The following CAMK4 variants were observed in gnomAD, a reference collection of about 807,000 sequenced individuals.
CAMK4 encodes calcium/calmodulin-dependent protein kinase type IV.
In CAMK4, 22 loss-of-function variants were observed where a neutral mutation model predicts 44.9. The ratio of observed to expected loss-of-function variants is 0.49; its 90% confidence interval spans 0.35 to 0.70. The LOEUF is 0.70. CAMK4 is among the 30% of genes least tolerant of loss of function. The probability of loss-of-function intolerance (pLI) is 0.01; values close to 1 mark genes in which losing one functional copy is unlikely to be tolerated. For missense variants in CAMK4, 498 were observed against 586.8 expected (o/e 0.85, Z 1.56); for synonymous variants, 218 against 215.4 (o/e 1.01, Z -0.11).
chr5:111,325,827 G>T (rs1445392376), intron 1 of CAMK4, among the ~76,000 whole-genome samples: 1 of 151,800 alleles, frequency 6.6e-6, no homozygotes, highest in East Asian at 1.9e-4. Context: ...TCTGTAGATT[G>T]CCTGTTCACT....
intron 1 of CAMK4, among the ~76,000 whole-genome samples, chr5:111,297,510 C>T (rs1461887495): frequency 6.6e-6 from 1 of 152,178 alleles, no homozygotes; most frequent in African/African-American, 2.4e-5. Context: ...TTCAACTATA[C>T]TGATTCTGTT....
At position 111,227,009 on chromosome 5, in the gene CAMK4, A is replaced by G. The variant is rs567714462; in HGVS notation, c.161+2365A>G. On this transcript the variant is annotated intron_variant, in intron 1 of 10. Coordinates refer to ENST00000282356, the MANE Select transcript of CAMK4 (RefSeq NM_001744.6). ...AGTTAAACTACATTGAGGAACAATAAAAGCTAAAATGTCTTACTTAGGCTC... is the reference window on the plus strand; with the variant it reads ...AGTTAAACTACATTGAGGAACAATAGAAGCTAAAATGTCTTACTTAGGCTC... Among the ~76,000 whole-genome samples the G allele has an allele frequency of 6.6e-5, 10 of 152,356 alleles. No homozygotes were observed. The East Asian group carries it at 1.9e-3, about 29-fold the overall frequency.
At chr5:111,240,952 A>G (rs1748963286) in intron 1 of CAMK4, among the ~76,000 whole-genome samples, 1 of 152,184 alleles carries the variant, frequency 6.6e-6, no homozygotes, top group Non-Finnish European at 1.5e-5. Context: ...TTTATTGTTA[A>G]TGAATCTTTT....
chr5:111,427,823 AG>A (rs1383725855), intron 5 of CAMK4, among the ~76,000 whole-genome samples: 1 of 152,240 alleles, frequency 6.6e-6, no homozygotes, highest in African/African-American at 2.4e-5. Context: ...ACTGCCCTGA[AG>A]GGAAGGTTAC....
At chr5:111,318,832 C>A (rs1028424845) in intron 1 of CAMK4, among the ~76,000 whole-genome samples, 46 of 152,186 alleles carry the variant, frequency 3.0e-4, no homozygotes, top group Admixed American at 4.6e-4. Context: ...AGATTAGAAA[C>A]CGTATAATTT....
rs574078911 is a variant in CAMK4, at chr5:111,483,988, G to A, written c.982-38G>A. 1.8e-5 allele frequency: 26 copies of A among 1,470,384 alleles called. No homozygotes were observed. The East Asian group carries it at 4.1e-4, about 23-fold the overall frequency. 91.1% of individuals were successfully genotyped at this position (1,470,384 alleles called of 1,614,324 possible). ...TTGAGCTCTGATGTGGGGTGTTAAA[G>A]CAGAGGTAACACTTGACACTCTTCT... On this transcript the variant is annotated intron_variant, in intron 10 of 10. Coordinates refer to ENST00000282356, the MANE Select transcript of CAMK4 (RefSeq NM_001744.6).
chr5:111,385,882 A>G (rs1751583134), intron 4 of CAMK4, among the ~76,000 whole-genome samples: 1 of 152,060 alleles, frequency 6.6e-6, no homozygotes, highest in African/African-American at 2.4e-5. Flanking sequence ...GCTGCAATAT[A>G]TATATCTTTT....
At chr5:111,310,508 G>C (rs1425853975) in intron 1 of CAMK4, among the ~76,000 whole-genome samples, 1 of 152,134 alleles carries the variant, frequency 6.6e-6, no homozygotes, top group East Asian at 1.9e-4. Flanking sequence ...GTAATTGAAA[G>C]GTTTTAAAAA....
At chr5:111,376,500 C>T (rs1751218583) in intron 3 of CAMK4, among the ~76,000 whole-genome samples, 4 of 152,112 alleles carry the variant, frequency 2.6e-5, no homozygotes, top group Admixed American at 1.3e-4. Context: ...CCTCTAGCCA[C>T]CTTGATGCCT....
At chr5:111,328,390 A>C (rs550726707) in intron 1 of CAMK4, among the ~76,000 whole-genome samples, 35 of 151,828 alleles carry the variant, frequency 2.3e-4, no homozygotes, top group Admixed American at 3.3e-4. Flanking sequence ...TGGTACCAGT[A>C]CCTTGCTGTT....
At chr5:111,267,751 A>AGGG (rs935591299) in intron 1 of CAMK4, among the ~76,000 whole-genome samples, 2 of 151,054 alleles carry the variant, frequency 1.3e-5, no homozygotes, top group Non-Finnish European at 3.0e-5. Context: ...TGAAGGACAC[A>AGGG]GGGGATGATA....
chr5:111,413,262 G>A (rs567023162), intron 5 of CAMK4, among the ~76,000 whole-genome samples: 37 of 152,236 alleles, frequency 2.4e-4, no homozygotes, highest in African/African-American at 8.7e-4. Flanking sequence ...TCATATAAAA[G>A]GTTTGGAGGC....
chr5:111,245,163 TC>T (rs1048865829), intron 1 of CAMK4, among the ~76,000 whole-genome samples: 1 of 152,130 alleles, frequency 6.6e-6, no homozygotes, highest in African/African-American at 2.4e-5. Flanking sequence ...ACATATTGAT[TC>T]CATAAGTTAT....
At chr5:111,342,110 T>G (rs781228940) in intron 1 of CAMK4, among the ~76,000 whole-genome samples, 22 of 151,582 alleles carry the variant, frequency 1.5e-4, no homozygotes, top group Non-Finnish European at 3.0e-4. Flanking sequence ...GGAGAGTTTT[T>G]TTTTCTAAAT....
chr5:111,325,317 A>G (rs1748837588), intron 1 of CAMK4, among the ~76,000 whole-genome samples: 1 of 152,046 alleles, frequency 6.6e-6, no homozygotes, highest in Non-Finnish European at 1.5e-5. Context: ...TACTGCAATA[A>G]ACATACATGT....
At position 111,492,395 on chromosome 5, in the gene CAMK4, T is replaced by A. The variant is rs554176612; in HGVS notation, c.*7929T>A. 2.6e-5 allele frequency: 4 copies of A among 152,244 alleles called. No individual in the cohort carries two copies. In the East Asian group the frequency reaches 7.7e-4, roughly 29 times the overall value. 9.4% of individuals were successfully genotyped at this position (152,244 alleles called of 1,614,324 possible). On this transcript the variant is annotated 3_prime_UTR_variant, in exon 11 of 11. Transcript: ENST00000282356. The stretch of plus-strand genomic sequence containing the variant: ...GCTGTAGAACTCAGAACAAAAGATA[T>A]CAATCTTCTGCCAGTCCGCATCATT...
chr5:111,351,800 A>T (rs988572475), intron 2 of CAMK4, among the ~76,000 whole-genome samples: 1 of 152,068 alleles, frequency 6.6e-6, no homozygotes, highest in Non-Finnish European at 1.5e-5. Context: ...TGCTATCATT[A>T]TTTTATAGAT....
At chr5:111,340,396 A>G (rs1052704671) in intron 1 of CAMK4, among the ~76,000 whole-genome samples, 1 of 151,278 alleles carries the variant, frequency 6.6e-6, no homozygotes, top group East Asian at 1.9e-4. Context: ...CATTCTTTCT[A>G]TACGTAATTT....
chr5:111,412,464 A>T (rs1398407745), intron 5 of CAMK4, among the ~76,000 whole-genome samples: 1 of 152,232 alleles, frequency 6.6e-6, no homozygotes, highest in Non-Finnish European at 1.5e-5. Context: ...ATGCCAGAAG[A>T]AGATAAACAA....
Sources: allele counts gnomAD v4.1 joint callset (sites outside exome capture counted in the v4.1 genomes callset), GRCh38; gene constraint gnomAD v4.1.1; transcripts MANE v1.5; gene names NCBI Gene and HGNC (gene_info 2026-07-23, HGNC 2026-07-21).